ANKS1B: variants seen among roughly 807,000 people sequenced by gnomAD.
ANKS1B encodes ankyrin repeat and sterile alpha motif domain containing 1B.
Under a neutral mutation model 148.3 loss-of-function variants are expected in ANKS1B, and 36 were observed. The ratio of observed to expected loss-of-function variants is 0.24; its 90% confidence interval spans 0.19 to 0.32. The LOEUF (loss-of-function observed/expected upper bound fraction) is 0.32, where lower values mean the gene tolerates loss of function less well. Among genes scored for constraint, ANKS1B ranks in the 10% least tolerant of loss-of-function variants. The pLI is 1.00. For synonymous variants in ANKS1B, 542 were observed against 560.8 expected (o/e 0.97, Z 0.47); for missense variants, 1,157 against 1,542.6 (o/e 0.75, Z 4.19).
chr12:99,509,426 C>T (rs1230133787), intron 9 of ANKS1B, among the ~76,000 whole-genome samples: 4 of 151,850 alleles, frequency 2.6e-5, no homozygotes, highest in African/African-American at 9.7e-5. Flanking sequence ...AGTGAACACA[C>T]AAATGATAAG....
intron 15 of ANKS1B, among the ~76,000 whole-genome samples, chr12:99,085,485 C>A (rs1174972693): frequency 2.0e-5 from 3 of 151,856 alleles, no homozygotes; most frequent in Non-Finnish European, 4.4e-5. Context: ...ATCATTTTTC[C>A]CCCCTTGATG....
chr12:99,527,097 C>G (rs1379537507), intron 9 of ANKS1B, among the ~76,000 whole-genome samples: 1 of 152,096 alleles, frequency 6.6e-6, no homozygotes, highest in African/African-American at 2.4e-5. Flanking sequence ...CCTGCTGACA[C>G]CTTAATTTTG....
chr12:98,952,533 C>A (rs994882020), intron 17 of ANKS1B, among the ~76,000 whole-genome samples: 1 of 152,200 alleles, frequency 6.6e-6, no homozygotes, highest in Admixed American at 6.5e-5. Context: ...GTCTGTAGGT[C>A]TGATCCTCAG....
intron 17 of ANKS1B, among the ~76,000 whole-genome samples, chr12:99,018,057 T>G (rs921810328): frequency 6.6e-6 from 1 of 152,212 alleles, no homozygotes; most frequent in Non-Finnish European, 1.5e-5. Context: ...TCGATAAACC[T>G]TGATGACTGA....
intron 12 of ANKS1B, among the ~76,000 whole-genome samples, chr12:99,269,031 T>A (rs1296883169): frequency 6.6e-6 from 1 of 152,200 alleles, no homozygotes; most frequent in African/African-American, 2.4e-5. Context: ...TCATTACAAA[T>A]ACACACAGCA....
chr12:98,957,187 C>A (rs1204309218), intron 17 of ANKS1B, among the ~76,000 whole-genome samples: 1 of 152,082 alleles, frequency 6.6e-6, no homozygotes, highest in African/African-American at 2.4e-5. Flanking sequence ...GCCTCCTTTT[C>A]CTGGATTTTT....
intron 12 of ANKS1B, among the ~76,000 whole-genome samples, chr12:99,383,786 G>C (rs2093739908): frequency 7.0e-6 from 1 of 142,064 alleles, no homozygotes; most frequent in South Asian, 2.3e-4. Context: ...GCTGAGGCAA[G>C]TAAATCACTT....
intron 15 of ANKS1B, among the ~76,000 whole-genome samples, chr12:99,105,253 GC>G (rs1185881109): frequency 6.6e-6 from 1 of 151,986 alleles, no homozygotes; most frequent in Non-Finnish European, 1.5e-5. Flanking sequence ...TTTCTATCCT[GC>G]CCCCCAAGGA....
At chr12:99,514,567 A>G (rs193225028) in intron 9 of ANKS1B, among the ~76,000 whole-genome samples, 10 of 152,206 alleles carry the variant, frequency 6.6e-5, no homozygotes, top group African/African-American at 2.2e-4. Context: ...TCCAGAAACT[A>G]GGACTGAAAT....
chr12:98,850,529 G>A (rs755924889), intron 17 of ANKS1B, among the ~76,000 whole-genome samples: 1 of 134,866 alleles, frequency 7.4e-6, no homozygotes, highest in Non-Finnish European at 1.5e-5. Context: ...GTGCAGTGGC[G>A]TGATCTCGGC....
intron 8 of ANKS1B, among the ~76,000 whole-genome samples, chr12:99,744,991 C>CAAAAAAAA (rs55904412): frequency 7.7e-5 from 4 of 52,080 alleles, no homozygotes; most frequent in African/African-American, 2.6e-4. Flanking sequence ...GACTCTGTCT[C>CAAAAAAAA]AAAAAAAAAA....
chr12:99,133,026 T>A (rs1012959958), intron 15 of ANKS1B, among the ~76,000 whole-genome samples: 2 of 151,416 alleles, frequency 1.3e-5, no homozygotes, highest in African/African-American at 4.9e-5. Context: ...ACATGGTTTT[T>A]TTTTTTCTTT....
chr12:99,895,338 G>A (rs1430809588), intron 1 of ANKS1B, among the ~76,000 whole-genome samples: 1 of 150,586 alleles, frequency 6.6e-6, no homozygotes, highest in Non-Finnish European at 1.5e-5. Flanking sequence ...ATTACTATAA[G>A]TTACCTAGAG....
intron 22 of ANKS1B, among the ~76,000 whole-genome samples, chr12:98,787,028 C>T (rs1383057117): frequency 1.3e-5 from 2 of 152,136 alleles, no homozygotes; most frequent in Non-Finnish European, 2.9e-5. Context: ...ATAATATCTT[C>T]CTTAGTTAGA....
At chr12:99,175,984 T>A (rs914544447) in intron 14 of ANKS1B, among the ~76,000 whole-genome samples, 3 of 152,112 alleles carry the variant, frequency 2.0e-5, no homozygotes, top group African/African-American at 7.2e-5. Flanking sequence ...GTAGCTGGGA[T>A]TACAGGTGCC....
intron 17 of ANKS1B, among the ~76,000 whole-genome samples, chr12:98,860,791 G>A (rs573515620): frequency 6.6e-6 from 1 of 152,256 alleles, no homozygotes; most frequent in Non-Finnish European, 1.5e-5. Flanking sequence ...TAGGTGACAG[G>A]TTGACAGGTG....
chr12:98,817,749 T>C (rs892551050), intron 19 of ANKS1B, among the ~76,000 whole-genome samples: 6 of 152,264 alleles, frequency 3.9e-5, no homozygotes, highest in African/African-American at 1.2e-4. Flanking sequence ...AGGTCTCAGC[T>C]GAACTATTTC....
intron 12 of ANKS1B, among the ~76,000 whole-genome samples, 172 bp from the exon 13 acceptor site, chr12:99,247,036 T>G (rs1012307440): frequency 2.0e-5 from 3 of 152,224 alleles, no homozygotes; most frequent in African/African-American, 7.2e-5. Context: ...ATAGAATGAA[T>G]GTATGAGTGT....
intron 19 of ANKS1B, among the ~76,000 whole-genome samples, chr12:98,808,623 T>G (rs1425990849): frequency 6.6e-6 from 1 of 152,058 alleles, no homozygotes; most frequent in African/African-American, 2.4e-5. Flanking sequence ...TAATTCTGGC[T>G]CTCCCCCACA....
Sources: gnomAD v4.1 joint callset for allele counts (sites outside exome capture counted in the v4.1 genomes callset) on GRCh38, gnomAD v4.1.1 for gene constraint, MANE v1.5 for transcripts, NCBI Gene and HGNC (gene_info 2026-07-23, HGNC 2026-07-21) for gene names.